LMLN: variants seen among roughly 807,000 people sequenced by gnomAD.
LMLN encodes the protein leishmanolysin like peptidase.
In LMLN, 70 loss-of-function variants were observed where a neutral mutation model predicts 92.3. The ratio of observed to expected loss-of-function variants is 0.76; its 90% CI spans 0.63 to 0.92. LMLN has a LOEUF of 0.92. LMLN is among the 40% of genes least tolerant of loss of function. The probability of loss-of-function intolerance (pLI) is 0.00; values close to 1 mark genes in which losing one functional copy is unlikely to be tolerated. For missense variants in LMLN, 691 were observed against 814.6 expected (o/e 0.85, Z 1.85); for synonymous variants, 308 against 296.2 (o/e 1.04, Z -0.41).
intron 11 of LMLN, among the ~76,000 whole-genome samples, chr3:198,018,999 C>T (rs900293499): frequency 3.9e-5 from 6 of 152,130 alleles, no homozygotes; most frequent in Admixed American, 1.3e-4. Context: ...CTTTATTTTG[C>T]ACAGGAAAAT....
At chr3:197,976,748 A>T in intron 5 of LMLN, 33 bp downstream of exon 5, 3 of 1,092,792 alleles carry the variant, frequency 2.7e-6, no homozygotes, top group African/African-American at 3.2e-5. Context: ...GTGCTTTTAC[A>T]CCTGAGGAGA....
chr3:198,026,057 C>T (rs1013623941), intron 14 of LMLN, among the ~76,000 whole-genome samples: 3 of 151,804 alleles, frequency 2.0e-5, no homozygotes, highest in Non-Finnish European at 2.9e-5. Context: ...CAGGCTCAGG[C>T]GATTCTCCCA....
chr3:198,020,768 A>ATTT (rs71166715), intron 12 of LMLN, among the ~76,000 whole-genome samples: 353 of 32,844 alleles, frequency 0.011, 38 homozygotes, highest in Non-Finnish European at 0.015. Flanking sequence ...TAATTTTTGT[A>ATTT]TTTTTTTTTT....
chr3:198,008,341 G>A (rs1199959461), intron 11 of LMLN, among the ~76,000 whole-genome samples: 1 of 152,058 alleles, frequency 6.6e-6, no homozygotes, highest in Non-Finnish European at 1.5e-5. Context: ...AAAAATAATA[G>A]TAAGAAGAAA....
At chr3:197,974,677 C>A (rs1325339125) in intron 2 of LMLN, among the ~76,000 whole-genome samples, 2 of 152,184 alleles carry the variant, frequency 1.3e-5, no homozygotes, top group Non-Finnish European at 2.9e-5. Flanking sequence ...GAATAATTTT[C>A]TTTTACCATC....
intron 13 of LMLN, among the ~76,000 whole-genome samples, chr3:198,023,876 A>G (rs1303350902): frequency 6.6e-6 from 1 of 152,230 alleles, no homozygotes; most frequent in Non-Finnish European, 1.5e-5. Context: ...TTACTTCTGC[A>G]CCAGCCTAAT....
intron 1 of LMLN, among the ~76,000 whole-genome samples, chr3:197,962,796 A>G (rs1414927608): frequency 6.8e-6 from 1 of 148,022 alleles, no homozygotes; most frequent in Non-Finnish European, 1.5e-5. Flanking sequence ...CCATATGGGT[A>G]TTCAGTTGCC....
Position 198,016,361 on chromosome 3 carries a change from C to T in LMLN, c.1233-2892C>T, listed in dbSNP as rs546695830. Among the ~76,000 whole-genome samples the T allele has an allele frequency of 2.6e-5, 4 of 152,276 alleles. No individual in the cohort carries two copies. The East Asian group carries it at 7.7e-4, about 29-fold the overall frequency. ...GGCAGTAGCCGGAAGCACCGGCAACCACTCTGGGTGTCCCCAGCTTGTTAC... is the reference window on the plus strand; with the variant it reads ...GGCAGTAGCCGGAAGCACCGGCAACTACTCTGGGTGTCCCCAGCTTGTTAC... On this transcript the variant is annotated intron_variant, in intron 11 of 15. Coordinates refer to ENST00000330198, the Ensembl canonical transcript of LMLN.
At chr3:198,021,771 T>G (rs1047296976) in intron 13 of LMLN, among the ~76,000 whole-genome samples, 166 bp downstream of exon 14, 1 of 152,242 alleles carries the variant, frequency 6.6e-6, no homozygotes, top group Non-Finnish European at 1.5e-5. Context: ...CCCTGCCTGT[T>G]TCTTCATCTG....
intron 1 of LMLN, among the ~76,000 whole-genome samples, chr3:197,964,361 T>G (rs1009131036): frequency 6.6e-6 from 1 of 152,032 alleles, no homozygotes; most frequent in African/African-American, 2.4e-5. Context: ...CTTTGCATTT[T>G]AATTATCATT....
At chr3:198,015,319 TCAGAGCCCCC>T (rs1245331191) in intron 11 of LMLN, among the ~76,000 whole-genome samples, 8 of 33,342 alleles carry the variant, frequency 2.4e-4, no homozygotes, top group African/African-American at 6.2e-4. Context: ...TCTCCACCCT[TCAGAGCCCCC>T]TAACTAGTCT....
At chr3:198,015,812 G>A (rs887043244) in intron 11 of LMLN, among the ~76,000 whole-genome samples, 1 of 152,174 alleles carries the variant, frequency 6.6e-6, no homozygotes, top group African/African-American at 2.4e-5. Flanking sequence ...GTTTTTAGTT[G>A]TACTTAGAAG....
chr3:197,996,700 G>T (rs1441825074), intron 10 of LMLN, among the ~76,000 whole-genome samples: 1 of 152,176 alleles, frequency 6.6e-6, no homozygotes, highest in Admixed American at 6.5e-5. Context: ...ATAGAACTAT[G>T]AGCTCCGTTT....
chr3:198,013,905 G>C (rs1242896330), intron 11 of LMLN, among the ~76,000 whole-genome samples: 3 of 113,538 alleles, frequency 2.6e-5, no homozygotes, highest in Admixed American at 1.8e-4. Context: ...TGACTTCTCT[G>C]TACCCTTCAG....
intron 12 of LMLN, among the ~76,000 whole-genome samples, chr3:198,020,280 G>A (rs1017366298): frequency 1.3e-5 from 2 of 152,016 alleles, no homozygotes; most frequent in Admixed American, 6.6e-5. Context: ...ACAGGCGTGA[G>A]CCACCATATG....
intron 10 of LMLN, 58 bp downstream of exon 10, chr3:197,996,340 G>A: frequency 8.7e-7 from 1 of 1,143,494 alleles, no homozygotes; most frequent in African/African-American, 1.6e-5. Flanking sequence ...TCATAATTAT[G>A]GTAAAACTTA....
At chr3:198,008,635 G>A (rs1322685295) in intron 11 of LMLN, among the ~76,000 whole-genome samples, 3 of 152,212 alleles carry the variant, frequency 2.0e-5, no homozygotes, top group Non-Finnish European at 4.4e-5. Context: ...GCTGAAGCAG[G>A]AGGATCACTT....
At chr3:198,021,367 C>T (rs1020155804) in intron 12 of LMLN, 79 bp from the exon 14 acceptor site, 17 of 1,290,808 alleles carry the variant, frequency 1.3e-5, no homozygotes, top group Middle Eastern at 1.9e-4. Flanking sequence ...TAAAGGGTTG[C>T]GAGAAATTGC....
intron 14 of LMLN, among the ~76,000 whole-genome samples, chr3:198,027,064 A>G (rs1206484338): frequency 6.6e-6 from 1 of 152,152 alleles, no homozygotes; most frequent in African/African-American, 2.4e-5. Flanking sequence ...ACCTTGTCTG[A>G]TACCAAAGCA....
Sources: allele counts gnomAD v4.1 joint callset (sites outside exome capture counted in the v4.1 genomes callset), GRCh38; gene constraint gnomAD v4.1.1; transcripts MANE v1.5; gene names NCBI Gene and HGNC (gene_info 2026-07-23, HGNC 2026-07-21).